Variants in MAP2 observed in about 807,000 individuals in gnomAD.
The protein encoded by MAP2 is microtubule associated protein 2.
A neutral mutation model predicts 137.6 loss-of-function variants in MAP2; 14 were observed. The ratio of observed to expected loss-of-function variants is 0.10; its 90% CI spans 0.07 to 0.16. The LOEUF (loss-of-function observed/expected upper bound fraction) is 0.16. Ranked by LOEUF, MAP2 falls within the 10% of genes least tolerant of loss-of-function variation. The pLI, the probability that MAP2 is intolerant of heterozygous loss-of-function variation, is 1.00. For missense variants in MAP2, 2,088 were observed against 2,191.5 expected, an observed-to-expected ratio of 0.95 and a Z score of 0.94; for synonymous variants, 786 against 782.3, an observed-to-expected ratio of 1.00 and a Z score of -0.08.
chr2:209,510,599 CAATGTTGGAATTAGGATTTTAAA>C (rs1211069882), intron 2 of MAP2, among the ~76,000 whole-genome samples: 1 of 151,932 alleles, frequency 6.6e-6, no homozygotes, highest in Non-Finnish European at 1.5e-5. Flanking sequence ...ATACCCATGC[CAATGTTGGAATTAGGATTTTAAA>C]AATTTCTCTC....
intron 1 of MAP2, among the ~76,000 whole-genome samples, chr2:209,473,030 A>C (rs1706188742): frequency 6.6e-6 from 1 of 152,172 alleles, no homozygotes; most frequent in Non-Finnish European, 1.5e-5. Flanking sequence ...CTAGGATTGC[A>C]GTCTGAGCTC....
In MAP2 at chr2:209,452,237, A is replaced by C. The variant is rs78472158; in HGVS notation, c.-222+27961A>C. Among the ~76,000 whole-genome samples, 26 of 152,252 alleles carry C rather than the reference A, an allele frequency of 1.7e-4. 2 individuals carry two copies. In the East Asian group the frequency reaches 4.8e-3, roughly 28 times the overall value. On this transcript the variant is annotated intron_variant, in intron 1 of 15. Transcript: ENST00000682079. The stretch of plus-strand genomic sequence containing the variant: ...ATCTGTGATCTCTACAAGTAGACAG[A>C]GTAGGGGAGAGGGTTGACCTATATG...
At position 209,535,842 on chromosome 2, in the gene MAP2, G is replaced by C. The variant is rs538276453; in HGVS notation, c.-172+28201G>C. On this transcript the variant is annotated intron_variant, in intron 2 of 15. Transcript: ENST00000682079. Reference sequence around the variant, plus strand: ...TATAAAATTTTATTTATCATTTGCTGTTCCTCATTGTCTTCTCCTATAAGC... The same window carrying C: ...TATAAAATTTTATTTATCATTTGCTCTTCCTCATTGTCTTCTCCTATAAGC... 3.3e-5 allele frequency among the ~76,000 whole-genome samples: 5 copies of C among 152,114 alleles called. No homozygotes were observed. The South Asian group carries it at 1.0e-3, about 32-fold the overall frequency.
At chr2:209,605,618 T>C (rs1415094202) in intron 3 of MAP2, among the ~76,000 whole-genome samples, 2 of 152,198 alleles carry the variant, frequency 1.3e-5, no homozygotes, top group African/African-American at 4.8e-5. Context: ...CACCTTTGGC[T>C]TTTTCAGCAT....
chr2:209,465,251 C>G (rs925229982), intron 1 of MAP2, among the ~76,000 whole-genome samples: 1 of 151,650 alleles, frequency 6.6e-6, no homozygotes, highest in African/African-American at 2.4e-5. Context: ...TGACATAGTT[C>G]CAGAAATACT....
intron 2 of MAP2, among the ~76,000 whole-genome samples, chr2:209,540,477 C>T (rs116300280): frequency 1.3e-3 from 193 of 150,766 alleles, no homozygotes; most frequent in Non-Finnish European, 2.4e-3. Flanking sequence ...ACTAAAAATA[C>T]GAAAATTGCC....
intron 1 of MAP2, among the ~76,000 whole-genome samples, chr2:209,443,653 GGC>G (rs1559168716): frequency 7.3e-5 from 11 of 151,460 alleles, no homozygotes. Context: ...TCTTCACTTC[GGC>G]CATGGGGATA....
chr2:209,645,637 T>C (rs1452877259), intron 4 of MAP2, among the ~76,000 whole-genome samples: 1 of 152,210 alleles, frequency 6.6e-6, no homozygotes, highest in Non-Finnish European at 1.5e-5. Context: ...GTGTGCTAAA[T>C]GATATTATAT....
chr2:209,447,910 G>C (rs1699462030), intron 1 of MAP2, among the ~76,000 whole-genome samples: 1 of 152,090 alleles, frequency 6.6e-6, no homozygotes, highest in Non-Finnish European at 1.5e-5. Flanking sequence ...TTAAAATTCT[G>C]CTTTTAAAGC....
intron 2 of MAP2, among the ~76,000 whole-genome samples, chr2:209,544,299 T>C (rs2067608498): frequency 6.6e-6 from 1 of 152,138 alleles, no homozygotes; most frequent in African/African-American, 2.4e-5. Context: ...TTTTTGTTTT[T>C]TGTCTTCTAG....
chr2:209,579,085 G>A (rs1157212772), intron 2 of MAP2, among the ~76,000 whole-genome samples: 2 of 152,026 alleles, frequency 1.3e-5, no homozygotes, highest in Non-Finnish European at 2.9e-5. Flanking sequence ...AGCAATATGC[G>A]ATAGTTAAAA....
intron 2 of MAP2, among the ~76,000 whole-genome samples, chr2:209,565,834 A>G (rs1383857935): frequency 6.6e-6 from 1 of 152,136 alleles, no homozygotes; most frequent in African/African-American, 2.4e-5. Flanking sequence ...ACAATGTAGG[A>G]TTGTTTTCTC....
chr2:209,546,100 G>A (rs890093983), intron 2 of MAP2, among the ~76,000 whole-genome samples: 3 of 152,100 alleles, frequency 2.0e-5, no homozygotes, highest in Admixed American at 6.6e-5. Flanking sequence ...CCGAGATCGC[G>A]CCACTGCACT....
chr2:209,639,613 C>A (rs1477456603), intron 4 of MAP2, among the ~76,000 whole-genome samples: 1 of 152,108 alleles, frequency 6.6e-6, no homozygotes, highest in African/African-American at 2.4e-5. Context: ...CTCCATCTTT[C>A]ATGGGCATCC....
chr2:209,726,152 T>C (rs920574929), intron 14 of MAP2, among the ~76,000 whole-genome samples: 1 of 152,196 alleles, frequency 6.6e-6, no homozygotes, highest in Admixed American at 6.5e-5. Context: ...AGGTTTTTTT[T>C]CCTAAAATTG....
intron 2 of MAP2, among the ~76,000 whole-genome samples, chr2:209,510,899 T>C (rs1385636702): frequency 6.6e-6 from 1 of 152,012 alleles, no homozygotes; most frequent in Non-Finnish European, 1.5e-5. Context: ...TTATATTAAT[T>C]ATAGTTTTCT....
Position 209,711,951 on chromosome 2 carries a change from T to A in MAP2, c.5073+1697T>A, listed in dbSNP as rs1405397498. Reference sequence around the variant, plus strand: ...AACATTAATACTTAAAATAATTTGTTTCCTCTTAGAATCACAAGAAAATAC... The same window carrying A: ...AACATTAATACTTAAAATAATTTGTATCCTCTTAGAATCACAAGAAAATAC... On this transcript the variant is annotated intron_variant, in intron 13 of 15. Coordinates refer to ENST00000682079, the MANE Select transcript of MAP2 (RefSeq NM_001375505.1). Among the ~76,000 whole-genome samples the A allele has an allele frequency of 3.3e-5, 5 of 152,302 alleles. No individual in the cohort carries two copies. In the East Asian group the frequency reaches 7.7e-4, roughly 23 times the overall value.
intron 2 of MAP2, among the ~76,000 whole-genome samples, chr2:209,533,940 G>A (rs2065546981): frequency 6.6e-6 from 1 of 152,146 alleles, no homozygotes; most frequent in African/African-American, 2.4e-5. Context: ...AGTGAGAGCA[G>A]GGACCACACC....
rs530418515 is a variant in MAP2, at chr2:209,624,896, T to A, written c.-106-157T>A. ...TTCCCAGCCAGTGATAAATGCTCAG[T>A]GTATGACCACTATAAAGAACCATGA... is the stretch of plus-strand genomic sequence containing the variant. On this transcript the variant is annotated intron_variant, in intron 3 of 15. Coordinates refer to ENST00000682079, the MANE Select transcript of MAP2 (RefSeq NM_001375505.1). Among the ~76,000 whole-genome samples, 292 of 152,304 alleles carry A rather than the reference T, an allele frequency of 1.9e-3. 2 individuals carry two copies. Among genetic ancestry groups the A allele is most frequent in the Admixed American group, 5.0e-3 (76 of 15,288 alleles).
Sources: allele counts gnomAD v4.1 joint callset (sites outside exome capture counted in the v4.1 genomes callset), GRCh38; gene constraint gnomAD v4.1.1; transcripts MANE v1.5; gene names NCBI Gene and HGNC (gene_info 2026-07-23, HGNC 2026-07-21).